The following CHN1 variants were observed in gnomAD, a reference collection of about 807,000 sequenced individuals.
CHN1 encodes the protein N-chimaerin.
In CHN1, 37 loss-of-function variants were observed where a neutral mutation model predicts 59.5. The ratio of observed to expected loss-of-function variants is 0.62; its 90% CI spans 0.48 to 0.82. CHN1 has a LOEUF of 0.82. Ranked by LOEUF, CHN1 falls within the 40% of genes least tolerant of loss-of-function variation. The pLI is 0.00. For missense variants in CHN1, 469 were observed against 571.0 expected, an observed-to-expected ratio of 0.82 and a Z score of 1.82; for synonymous variants, 206 against 200.4, an observed-to-expected ratio of 1.03 and a Z score of -0.24.
At chr2:174,854,305 T>TGTA (rs759563408) in intron 6 of CHN1, among the ~76,000 whole-genome samples, 7 of 151,218 alleles carry the variant, frequency 4.6e-5, no homozygotes, top group Non-Finnish European at 8.8e-5. Flanking sequence ...ACATTGCCTA[T>TGTA]GTCACTGAAA....
At chr2:174,975,120 C>A (rs1319203157) in intron 1 of CHN1, among the ~76,000 whole-genome samples, 1 of 152,126 alleles carries the variant, frequency 6.6e-6, no homozygotes, top group African/African-American at 2.4e-5. Context: ...CTATTTTATT[C>A]CTCTACTGCT....
At chr2:174,802,265 C>T (rs1684748459) in intron 11 of CHN1, among the ~76,000 whole-genome samples, 1 of 152,218 alleles carries the variant, frequency 6.6e-6, no homozygotes, top group Non-Finnish European at 1.5e-5. Flanking sequence ...CACTCCATTA[C>T]CCACTATGAC....
chr2:174,826,535 G>A (rs560703694), intron 7 of CHN1, among the ~76,000 whole-genome samples: 92 of 152,240 alleles, frequency 6.0e-4, no homozygotes, highest in African/African-American at 1.9e-3. Flanking sequence ...AAAGTATGAA[G>A]GAAGTCTCAG....
rs1043766746 is a variant in CHN1, at chr2:174,867,989, C to T, written c.549+9851G>A. ...ATATAAAAGTGTACATTAATCTATG[C>T]GTAGGAAGACAGACTAAAAGGAAAC... On this transcript the variant is annotated intron_variant, in intron 6 of 12. Coordinates refer to ENST00000409900, the MANE Select transcript of CHN1 (RefSeq NM_001822.7). Among the ~76,000 whole-genome samples the T allele has an allele frequency of 4.6e-5, 7 of 152,152 alleles. 1 individual carries two copies. The East Asian group carries it at 1.3e-3, about 29-fold the overall frequency.
chr2:174,887,595 T>C (rs902218710), intron 5 of CHN1, among the ~76,000 whole-genome samples: 3 of 152,148 alleles, frequency 2.0e-5, no homozygotes, highest in African/African-American at 4.8e-5. Flanking sequence ...AGAATTTGCA[T>C]CCAGGACTGT....
intron 3 of CHN1, among the ~76,000 whole-genome samples, chr2:174,932,632 A>G (rs982001308): frequency 2.6e-5 from 4 of 152,038 alleles, no homozygotes; most frequent in South Asian, 2.1e-4. Context: ...GAAATCCCCA[A>G]TGTTGGAGGT....
intron 7 of CHN1, among the ~76,000 whole-genome samples, chr2:174,827,245 T>G (rs1189265234): frequency 6.6e-6 from 1 of 152,214 alleles, no homozygotes; most frequent in Non-Finnish European, 1.5e-5. Context: ...AAATACTGAT[T>G]TTCATTAATT....
At chr2:174,910,048 A>AC (rs1308905957) in intron 5 of CHN1, among the ~76,000 whole-genome samples, 2 of 152,194 alleles carry the variant, frequency 1.3e-5, no homozygotes, top group Admixed American at 1.3e-4. Context: ...AGAATGGGTA[A>AC]CTGCAATTAT....
chr2:174,967,310 G>A (rs919271979), intron 1 of CHN1, among the ~76,000 whole-genome samples: 3 of 152,050 alleles, frequency 2.0e-5, no homozygotes, highest in Non-Finnish European at 2.9e-5. Flanking sequence ...GAGCCCAGAC[G>A]ACATCATTGC....
chr2:174,918,551 T>C lies in CHN1; in HGVS notation c.129A>G (p.Pro43=), dbSNP rs1040715571. The change falls in exon 4 of 13, where the codon CCA becomes CCG. Residue 43 remains proline, a synonymous_variant. Transcript: ENST00000409900. ...ATACTTACTCTCTTCCATAATACTT[T>C]GGTCTGTTTTCCACCTATTGGGAAA... is the stretch of plus-strand genomic sequence containing the variant. ...ITCTCEVENR[P]KYYGREFHGM... is the part of the protein sequence containing the mutation. 1.3e-6 allele frequency: 2 copies of C among 1,592,824 alleles called. No homozygotes were observed. The highest frequency in any genetic ancestry group is 2.3e-5 in the South Asian group (2 of 87,932).
chr2:174,949,248 T>G (rs1689943862), intron 2 of CHN1, among the ~76,000 whole-genome samples: 1 of 152,176 alleles, frequency 6.6e-6, no homozygotes, highest in South Asian at 2.1e-4. Flanking sequence ...TTAATCACAT[T>G]TTTTTCTAAG....
intron 7 of CHN1, among the ~76,000 whole-genome samples, chr2:174,840,358 G>A (rs543407901): frequency 6.6e-6 from 1 of 151,798 alleles, no homozygotes; most frequent in African/African-American, 2.4e-5. Flanking sequence ...TAAAGACAAG[G>A]TCTCTCTATG....
intron 2 of CHN1, among the ~76,000 whole-genome samples, chr2:174,949,069 C>T (rs963652603): frequency 6.6e-6 from 1 of 152,090 alleles, no homozygotes; most frequent in African/African-American, 2.4e-5. Flanking sequence ...CAGGGTATAA[C>T]AGGTCGGTCA....
chr2:174,914,316 G>A (rs1688778185), intron 5 of CHN1, among the ~76,000 whole-genome samples: 2 of 152,164 alleles, frequency 1.3e-5, no homozygotes, highest in African/African-American at 4.8e-5. Context: ...TGTACTGTAA[G>A]CCAAAACACT....
At chr2:174,821,559 G>A (rs1685497692) in intron 8 of CHN1, among the ~76,000 whole-genome samples, 1 of 152,132 alleles carries the variant, frequency 6.6e-6, no homozygotes, top group African/African-American at 2.4e-5. Flanking sequence ...GCTTATGAGG[G>A]CGCCTCCCCT....
At chr2:175,000,369 C>T (rs2105474081) in intron 1 of CHN1, among the ~76,000 whole-genome samples, 1 of 152,056 alleles carries the variant, frequency 6.6e-6, no homozygotes, top group East Asian at 1.9e-4. Flanking sequence ...GAACTCCCGA[C>T]CTCAAGTGAT....
chr2:174,871,934 G>C (rs371521168), intron 6 of CHN1, among the ~76,000 whole-genome samples: 1 of 152,120 alleles, frequency 6.6e-6, no homozygotes, highest in Non-Finnish European at 1.5e-5. Context: ...GTTAGTTCAG[G>C]AGACTGAAGA....
chr2:174,869,789 T>C (rs1226960271), intron 6 of CHN1, among the ~76,000 whole-genome samples: 1 of 152,194 alleles, frequency 6.6e-6, no homozygotes, highest in African/African-American at 2.4e-5. Context: ...TTTCTCACTA[T>C]GAACTTAGGC....
intron 1 of CHN1, among the ~76,000 whole-genome samples, chr2:174,990,262 TGAGAGA>T (rs147367573): frequency 0.29 from 25,529 of 89,164 alleles, 3,828 homozygotes; most frequent in Admixed American, 0.42. Flanking sequence ...TGTGTGTGTG[TGAGAGA>T]GAGAGAGAGA....
Sources: gnomAD v4.1 joint callset for allele counts (sites outside exome capture counted in the v4.1 genomes callset) on GRCh38, gnomAD v4.1.1 for gene constraint, MANE v1.5 for transcripts, NCBI Gene and HGNC (gene_info 2026-07-23, HGNC 2026-07-21) for gene names.